CNTN5: variants seen among roughly 807,000 people sequenced by gnomAD.
CNTN5 encodes the protein contactin-5.
Under a neutral mutation model 129.1 loss-of-function variants are expected in CNTN5, and 77 were observed. The observed-to-expected ratio is 0.60, with a 90% CI of 0.50 to 0.72. The LOEUF (loss-of-function observed/expected upper bound fraction) is 0.72. Ranked by LOEUF, CNTN5 falls within the 30% of genes least tolerant of loss-of-function variation. The pLI, the probability that CNTN5 is intolerant of heterozygous loss-of-function variation, is 0.00. For missense variants in CNTN5, 1,478 were observed against 1,328.8 expected (o/e 1.11, Z -1.75); for synonymous variants, 509 against 465.6 (o/e 1.09, Z -1.20).
intron 1 of CNTN5, among the ~76,000 whole-genome samples, chr11:99,319,868 G>A (rs1299734795): frequency 6.6e-6 from 1 of 152,024 alleles, no homozygotes; most frequent in Admixed American, 6.6e-5. Context: ...GAGTGGGAGT[G>A]GAAATGGAGA....
intron 2 of CNTN5, among the ~76,000 whole-genome samples, chr11:99,535,692 C>G (rs780841903): frequency 1.2e-4 from 19 of 152,084 alleles, no homozygotes; most frequent in Non-Finnish European, 2.2e-4. Context: ...AATGAATAGA[C>G]AGCAAAGTAG....
intron 1 of CNTN5, among the ~76,000 whole-genome samples, chr11:99,190,867 A>T (rs1858604600): frequency 1.3e-5 from 2 of 151,552 alleles, no homozygotes. Context: ...AAGCTAGAAC[A>T]TCTAGGATTA....
intron 2 of CNTN5, among the ~76,000 whole-genome samples, chr11:99,489,619 TAG>T (rs762154803): frequency 6.6e-6 from 1 of 152,240 alleles, no homozygotes. Context: ...TATTAAATTA[TAG>T]AGTCTATGTA....
chr11:99,621,808 T>C (rs1370892036), intron 3 of CNTN5, among the ~76,000 whole-genome samples: 1 of 152,196 alleles, frequency 6.6e-6, no homozygotes, highest in Non-Finnish European at 1.5e-5. Flanking sequence ...AGCACTCTTA[T>C]ATTTGCCCAC....
chr11:100,209,765 A>G (rs917036875), intron 15 of CNTN5, among the ~76,000 whole-genome samples: 3 of 152,210 alleles, frequency 2.0e-5, no homozygotes, highest in Admixed American at 2.0e-4. Context: ...ACTACTATAA[A>G]GAGACTATGG....
chr11:99,380,155 G>A (rs1369185426), intron 2 of CNTN5, among the ~76,000 whole-genome samples: 1 of 151,608 alleles, frequency 6.6e-6, no homozygotes, highest in Non-Finnish European at 1.5e-5. Flanking sequence ...ACATAATAAA[G>A]TCAGTATTCC....
intron 3 of CNTN5, among the ~76,000 whole-genome samples, chr11:99,804,287 G>T (rs1029460421): frequency 1.3e-5 from 2 of 152,050 alleles, no homozygotes; most frequent in Non-Finnish European, 2.9e-5. Flanking sequence ...ACCCTAGCTT[G>T]CAAAATGTGT....
At chr11:99,622,453 T>C (rs73540834) in intron 3 of CNTN5, among the ~76,000 whole-genome samples, 3,753 of 152,234 alleles carry the variant, frequency 0.025, 165 homozygotes, top group African/African-American at 0.085. Flanking sequence ...TAGGAAAAGA[T>C]TTATTCGGTA....
intron 1 of CNTN5, among the ~76,000 whole-genome samples, chr11:99,089,878 G>A (rs1204953369): frequency 2.0e-5 from 3 of 152,148 alleles, no homozygotes; most frequent in African/African-American, 7.2e-5. Context: ...TTGCAAGGTA[G>A]TCTTTATAGG....
chr11:99,539,735 A>G (rs138590428), intron 2 of CNTN5, among the ~76,000 whole-genome samples: 1 of 152,206 alleles, frequency 6.6e-6, no homozygotes, highest in Admixed American at 6.5e-5. Context: ...GTAATATTGC[A>G]CATACTTCCC....
At chr11:99,719,416 G>A (rs969377211) in intron 3 of CNTN5, among the ~76,000 whole-genome samples, 1 of 152,152 alleles carries the variant, frequency 6.6e-6, no homozygotes, top group East Asian at 1.9e-4. Context: ...GTGTAAAAAT[G>A]TTTTCATAGG....
At chr11:99,211,000 C>T (rs1051153759) in intron 1 of CNTN5, among the ~76,000 whole-genome samples, 4 of 152,040 alleles carry the variant, frequency 2.6e-5, no homozygotes, top group Admixed American at 6.6e-5. Context: ...AAATTCCTGT[C>T]TATATAATCA....
At chr11:99,149,664 T>TAAA (rs1480996174) in intron 1 of CNTN5, among the ~76,000 whole-genome samples, 116 of 152,258 alleles carry the variant, frequency 7.6e-4, no homozygotes, top group African/African-American at 2.7e-3. Context: ...TTGGTTATAA[T>TAAA]TAAAAGTATA....
chr11:99,909,115 C>G (rs1949587124), intron 6 of CNTN5, among the ~76,000 whole-genome samples: 1 of 151,960 alleles, frequency 6.6e-6, no homozygotes, highest in African/African-American at 2.4e-5. Context: ...TTTGAGATAC[C>G]TATAATTAGC....
At position 100,060,458 on chromosome 11, in the gene CNTN5, G is replaced by C. The variant is rs1015376565; in HGVS notation, c.981-754G>C. 5.3e-5 allele frequency among the ~76,000 whole-genome samples: 8 copies of C among 151,982 alleles called. No individual in the cohort carries two copies. The South Asian group carries it at 1.7e-3, about 31-fold the overall frequency. On this transcript the variant is annotated intron_variant, in intron 9 of 24. Transcript: ENST00000524871. ...TATGCTTCACGGAGATGAAGTGGGA[G>C]ATTATGTGTAAACTGTATTTGCTAT...
intron 1 of CNTN5, among the ~76,000 whole-genome samples, chr11:99,317,665 G>T (rs1468419703): frequency 3.3e-5 from 5 of 152,118 alleles, no homozygotes. Context: ...AAGGAGCCAC[G>T]ATGCACTGAT....
At chr11:99,080,190 A>G (rs1455646685) in intron 1 of CNTN5, among the ~76,000 whole-genome samples, 5 of 152,232 alleles carry the variant, frequency 3.3e-5, no homozygotes, top group Admixed American at 6.5e-5. Flanking sequence ...TGCATTTAGC[A>G]TAAGACTGTA....
At chr11:100,079,677 G>T (rs1944283147) in intron 13 of CNTN5, among the ~76,000 whole-genome samples, 1 of 151,962 alleles carries the variant, frequency 6.6e-6, no homozygotes, top group South Asian at 2.1e-4. Context: ...GGGCTCTCCA[G>T]GTTTTCCCCC....
At position 99,897,000 on chromosome 11, in the gene CNTN5, C is replaced by G. The variant is rs1005647992; in HGVS notation, c.578-19054C>G. Among the ~76,000 whole-genome samples the G allele has an allele frequency of 7.9e-5, 12 of 152,144 alleles. No individual in the cohort carries two copies. The East Asian group carries it at 2.3e-3, about 29-fold the overall frequency. ...AAAGTTCTGCCAGTGACCCGGGTAC[C>G]AGCCCATCCCTCCCCATCATAGCGA... On this transcript the variant is annotated intron_variant, in intron 6 of 24. Transcript: ENST00000524871.
Sources: allele counts gnomAD v4.1 joint callset (sites outside exome capture counted in the v4.1 genomes callset), GRCh38; gene constraint gnomAD v4.1.1; transcripts MANE v1.5; gene names NCBI Gene and HGNC (gene_info 2026-07-23, HGNC 2026-07-21).